Variants in SHISA9 observed in about 807,000 individuals in gnomAD.
SHISA9 encodes protein shisa-9.
In SHISA9, 13 loss-of-function variants were observed where a neutral mutation model predicts 38.0. That is an observed-to-expected ratio of 0.34 (90% CI 0.22 to 0.54). The LOEUF (loss-of-function observed/expected upper bound fraction) is 0.54, where lower values mean the gene tolerates loss of function less well. Among genes scored for constraint, SHISA9 ranks in the 20% least tolerant of loss-of-function variants. SHISA9 has a pLI of 0.91. For synonymous variants in SHISA9, 275 were observed against 242.0 expected, an observed-to-expected ratio of 1.14 and a Z score of -1.27; for missense variants, 538 against 575.8, an observed-to-expected ratio of 0.93 and a Z score of 0.67.
chr16:13,069,171 A>G (rs577042086), intron 2 of SHISA9, among the ~76,000 whole-genome samples: 5 of 146,196 alleles, frequency 3.4e-5, no homozygotes, highest in African/African-American at 1.4e-4. Context: ...ATATGTGTGT[A>G]CATGCAATGT....
intron 1 of SHISA9, among the ~76,000 whole-genome samples, chr16:12,905,406 A>G (rs972743796): frequency 8.5e-5 from 13 of 152,232 alleles, no homozygotes; most frequent in African/African-American, 3.1e-4. Flanking sequence ...TTGTGAATCA[A>G]TAGGTTCTGG....
rs2051416476 is a variant in SHISA9, at chr16:13,239,404, A to G, written c.*3995A>G. 1 of 151,366 alleles carries G rather than the reference A, an allele frequency of 6.6e-6. No homozygotes were observed. 9.4% of individuals were successfully genotyped at this position (151,366 alleles called of 1,614,324 possible). The stretch of plus-strand genomic sequence containing the variant: ...ATTTCTAGTTCTAGATCCCTGAGGA[A>G]TCGCCACACTGACTTCCACAATGGT... On this transcript the variant is annotated 3_prime_UTR_variant, in exon 5 of 5. Coordinates refer to ENST00000558583, the MANE Select transcript of SHISA9 (RefSeq NM_001145204.3).
At chr16:13,363,823 A>G in the SHISA9 span, among the ~76,000 whole-genome samples, 1 of 152,212 alleles carries the variant, frequency 6.6e-6, no homozygotes, top group East Asian at 1.9e-4. Context: ...ATCACGGAAG[A>G]TTACTATTCA....
At chr16:13,333,355 G>A in the SHISA9 span, among the ~76,000 whole-genome samples, 1 of 152,178 alleles carries the variant, frequency 6.6e-6, no homozygotes, top group Non-Finnish European at 1.5e-5. Flanking sequence ...GTGGTTTTGG[G>A]TACAGGGTAT....
At chr16:13,330,587 C>T in the SHISA9 span, among the ~76,000 whole-genome samples, 174 of 152,318 alleles carry the variant, frequency 1.1e-3, no homozygotes, top group African/African-American at 3.8e-3. Context: ...CATACTTCCA[C>T]GCTCTTTTAT....
chr16:13,280,117 C>CTTTTTTTTTTTTTTTTTTTTTTTT, the SHISA9 span, among the ~76,000 whole-genome samples: 1 of 102,824 alleles, frequency 9.7e-6, no homozygotes, highest in Non-Finnish European at 2.0e-5. Flanking sequence ...CTCTCTTTCT[C>CTTTTTTTTTTTTTTTTTTTTTTTT]TTTTTTTTTT....
At chr16:13,082,426 C>G (rs536376225) in intron 2 of SHISA9, 3 of 152,170 alleles carry the variant, frequency 2.0e-5, no homozygotes, top group African/African-American at 4.8e-5. Flanking sequence ...GCTCTATGCT[C>G]TTTTCTTCTG....
the SHISA9 span, among the ~76,000 whole-genome samples, chr16:13,361,299 G>A: frequency 4.6e-5 from 7 of 152,248 alleles, no homozygotes; most frequent in South Asian, 2.1e-4. Flanking sequence ...CTCCATCAGC[G>A]TCATCCATTT....
At chr16:13,503,342 T>C in the SHISA9 span, among the ~76,000 whole-genome samples, 321 of 152,332 alleles carry the variant, frequency 2.1e-3, 1 homozygote, top group Non-Finnish European at 3.8e-3. Flanking sequence ...TATTGCTGAG[T>C]AACAGATCAC....
the SHISA9 span, among the ~76,000 whole-genome samples, chr16:13,271,392 A>G: frequency 6.6e-6 from 1 of 152,112 alleles, no homozygotes; most frequent in Non-Finnish European, 1.5e-5. Context: ...CTTGAGAACC[A>G]CAGATGTAGA....
At chr16:13,104,452 G>A (rs923906821) in intron 2 of SHISA9, among the ~76,000 whole-genome samples, 1 of 152,082 alleles carries the variant, frequency 6.6e-6, no homozygotes, top group Non-Finnish European at 1.5e-5. Context: ...CACTCCAAAT[G>A]TCAATCAATT....
rs571631703 is a variant in SHISA9 at position 13,010,320 on chromosome 16, A to G, written c.691+93505A>G. Among the ~76,000 whole-genome samples the G allele has an allele frequency of 2.0e-5, 3 of 152,330 alleles. No homozygotes were observed. The South Asian group carries it at 6.2e-4, about 32-fold the overall frequency. On this transcript the variant is annotated intron_variant, in intron 2 of 4. Coordinates refer to ENST00000558583, the MANE Select transcript of SHISA9 (RefSeq NM_001145204.3). ...ATCAAACAAAATGCATTAATGTTTCAAATTGGTTACTGAGTCCCTGTGTTA... is the reference window on the plus strand; with the variant it reads ...ATCAAACAAAATGCATTAATGTTTCGAATTGGTTACTGAGTCCCTGTGTTA...
the SHISA9 span, among the ~76,000 whole-genome samples, chr16:13,400,168 C>T: frequency 2.6e-5 from 4 of 152,196 alleles, no homozygotes; most frequent in African/African-American, 9.7e-5. Context: ...CTTCAACCCA[C>T]AGTGGACAGG....
chr16:13,138,279 G>C lies in SHISA9; in HGVS notation c.692-65115G>C, dbSNP rs76145014. On this transcript the variant is annotated intron_variant, in intron 2 of 4. Coordinates refer to ENST00000558583, the MANE Select transcript of SHISA9 (RefSeq NM_001145204.3). ...AAGCTGCATTTTAATAAAATGTGTG[G>C]GTAACTCATAGATTGGAACTTGAGA... Among the ~76,000 whole-genome samples, 1,096 of 152,168 alleles carry C rather than the reference G, an allele frequency of 7.2e-3. 17 individuals carry two copies. Among genetic ancestry groups the C allele is most frequent in the African/African-American group, 0.024 (982 of 41,504 alleles).
At chr16:13,147,461 CTTTTT>C (rs55972023) in intron 2 of SHISA9, among the ~76,000 whole-genome samples, 9 of 65,084 alleles carry the variant, frequency 1.4e-4, no homozygotes, top group Non-Finnish European at 2.0e-4. Flanking sequence ...GTAAACTGAG[CTTTTT>C]TTTTTTTTTT....
the SHISA9 span, among the ~76,000 whole-genome samples, chr16:13,362,498 T>C: frequency 1.3e-5 from 2 of 152,032 alleles, no homozygotes; most frequent in African/African-American, 4.8e-5. Flanking sequence ...ATGGGGGAGC[T>C]GAAGAGGACA....
At chr16:13,438,723 A>G in the SHISA9 span, among the ~76,000 whole-genome samples, 1 of 152,216 alleles carries the variant, frequency 6.6e-6, no homozygotes, top group African/African-American at 2.4e-5. Flanking sequence ...ACCGCTGGAG[A>G]AGAACCAGAA....
chr16:13,397,070 T>C, the SHISA9 span, among the ~76,000 whole-genome samples: 1 of 152,194 alleles, frequency 6.6e-6, no homozygotes, highest in Non-Finnish European at 1.5e-5. Flanking sequence ...AAACAGTAAA[T>C]GTATTTACTC....
chr16:13,459,236 A>C, the SHISA9 span, among the ~76,000 whole-genome samples: 1 of 152,196 alleles, frequency 6.6e-6, no homozygotes, highest in Non-Finnish European at 1.5e-5. Context: ...CCCGTACCTT[A>C]CAAGTCACGT....
Sources: gnomAD v4.1 joint callset for allele counts (sites outside exome capture counted in the v4.1 genomes callset) on GRCh38, gnomAD v4.1.1 for gene constraint, MANE v1.5 for transcripts, NCBI Gene and HGNC (gene_info 2026-07-23, HGNC 2026-07-21) for gene names.